Variants in KIAA0586 observed in about 807,000 individuals in gnomAD.
The protein encoded by KIAA0586 is protein TALPID3.
Under a neutral mutation model 169.8 loss-of-function variants are expected in KIAA0586, and 144 were observed. The ratio of observed to expected loss-of-function variants is 0.85; its 90% CI spans 0.74 to 0.97. The LOEUF is 0.97. KIAA0586 is among the 50% of genes least tolerant of loss of function. The pLI, the probability that KIAA0586 is intolerant of heterozygous loss-of-function variation, is 0.00. For missense variants in KIAA0586, 1,854 were observed against 1,823.0 expected, an observed-to-expected ratio of 1.02 and a Z score of -0.31; for synonymous variants, 625 against 612.4, an observed-to-expected ratio of 1.02 and a Z score of -0.30.
chr14:58,448,869 G>A (rs546415830), intron 7 of KIAA0586, among the ~76,000 whole-genome samples: 4 of 152,126 alleles, frequency 2.6e-5, no homozygotes, highest in South Asian at 4.1e-4. Context: ...CAGTTCTCCT[G>A]TTCTCTGACA....
chr14:58,543,530 C>G (rs2046797073), intron 30 of KIAA0586, among the ~76,000 whole-genome samples: 1 of 152,158 alleles, frequency 6.6e-6, no homozygotes, highest in South Asian at 2.1e-4. Context: ...TACTCCTTCC[C>G]ATACAGAAGC....
rs1246480647 is a variant in KIAA0586 at position 58,542,211 on chromosome 14, G to T, written c.4495+2075G>T. 2.0e-5 allele frequency among the ~76,000 whole-genome samples: 3 copies of T among 152,118 alleles called. No homozygotes were observed. The South Asian group carries it at 6.2e-4, about 32-fold the overall frequency. Reference sequence around the variant, plus strand: ...AAAAAGTTTTCAGCCGGGCGCAGTGGCTCACGCCTGTAATCCCAGCACTTT... The same window carrying T: ...AAAAAGTTTTCAGCCGGGCGCAGTGTCTCACGCCTGTAATCCCAGCACTTT... On this transcript the variant is annotated intron_variant, in intron 30 of 30. Transcript: ENST00000652326.
chr14:58,490,121 G>C, intron 24 of KIAA0586, 43 bp from the exon 25 acceptor site: 2 of 932,702 alleles, frequency 2.1e-6, no homozygotes, highest in East Asian at 2.9e-5. Flanking sequence ...TACTAAGTTT[G>C]TGTTTCTTTT....
intron 29 of KIAA0586, among the ~76,000 whole-genome samples, chr14:58,522,559 A>T (rs1225398733): frequency 6.6e-6 from 1 of 152,196 alleles, no homozygotes; most frequent in Non-Finnish European, 1.5e-5. Flanking sequence ...TTTGTTTCTA[A>T]AGTTGATACT....
At position 58,453,422 on chromosome 14, in the gene KIAA0586, C is replaced by T; in HGVS notation, c.1202C>T (p.Thr401Ile). Residue 401 changes from threonine to isoleucine, a missense_variant, in exon 9 of 31, where the codon ACC (threonine) becomes ATC (isoleucine). Transcript: ENST00000652326. ...SLTRKSESSN[T>I]TSLTRSKIGW... ...ACAAGAAAAAGTGAATCATCAAACA[C>T]CACCTCACTAACTAGGTCAAAAATA... The T allele has an allele frequency of 1.3e-6, 2 of 1,516,986 alleles. No homozygotes were observed. Among genetic ancestry groups the T allele is most frequent in the Non-Finnish European group, 8.9e-7 (1 of 1,125,132 alleles). 94.0% of individuals were successfully genotyped at this position (1,516,986 alleles called of 1,614,324 possible). A position where few individuals can be genotyped will look rare whatever the true frequency, so the allele number is the denominator to read the frequency against.
intron 26 of KIAA0586, among the ~76,000 whole-genome samples, chr14:58,496,054 T>C (rs1230489690): frequency 6.6e-6 from 1 of 152,208 alleles, no homozygotes; most frequent in Non-Finnish European, 1.5e-5. Flanking sequence ...GAACTAGTAA[T>C]ATTGATACAT....
intron 9 of KIAA0586, among the ~76,000 whole-genome samples, chr14:58,456,470 C>T (rs2039859985): frequency 6.6e-6 from 1 of 152,180 alleles, no homozygotes. Context: ...TCCTTTTCTG[C>T]TACATCTAAA....
At chr14:58,489,793 C>T (rs1432644174) in intron 24 of KIAA0586, among the ~76,000 whole-genome samples, 1 of 100,816 alleles carries the variant, frequency 9.9e-6, no homozygotes, top group Non-Finnish European at 2.0e-5. Context: ...GCATCACCAA[C>T]ATGCTTTCTA....
intron 1 of KIAA0586, 34 bp from the exon 2 acceptor site, chr14:58,429,329 A>G: frequency 7.6e-7 from 1 of 1,317,030 alleles, no homozygotes; most frequent in South Asian, 1.2e-5. Context: ...ATCTGATTTT[A>G]AAATCACTAA....
chr14:58,536,955 A>G (rs915722947), intron 29 of KIAA0586: 9 of 1,128,322 alleles, frequency 8.0e-6, no homozygotes, highest in African/African-American at 3.2e-5. Flanking sequence ...TAATTCCAAA[A>G]TTTTCCTTCT....
chr14:58,458,612 G>A, intron 12 of KIAA0586, 67 bp downstream of exon 12: 2 of 801,508 alleles, frequency 2.5e-6, no homozygotes, highest in East Asian at 3.0e-5. Flanking sequence ...CCAATTTACA[G>A]GCATTACATT....
intron 21 of KIAA0586, among the ~76,000 whole-genome samples, chr14:58,484,896 A>ATATATTTATATATATATT (rs1555391491): frequency 1.8e-3 from 9 of 5,080 alleles, no homozygotes; most frequent in Non-Finnish European, 2.2e-3. Flanking sequence ...ATATTTATAT[A>ATATATTTATATATATATT]TATATATATA....
chr14:58,459,609 A>G (rs538685986), intron 12 of KIAA0586, among the ~76,000 whole-genome samples: 1 of 152,220 alleles, frequency 6.6e-6, no homozygotes, highest in South Asian at 2.1e-4. Flanking sequence ...CAACCCTTCT[A>G]TTATTTCCCA....
chr14:58,466,068 A>C, intron 15 of KIAA0586, 39 bp downstream of exon 15: 3 of 1,376,342 alleles, frequency 2.2e-6, no homozygotes, highest in Non-Finnish European at 3.0e-6. Context: ...ATTTTATTTT[A>C]TTTATTTATT....
intron 27 of KIAA0586, among the ~76,000 whole-genome samples, chr14:58,507,282 A>ATATATATGTATGATT (rs2044047213): frequency 1.4e-5 from 2 of 146,572 alleles, no homozygotes; most frequent in African/African-American, 5.0e-5. Context: ...TGTATGATTT[A>ATATATATGTATGATT]TATATATATC....
intron 29 of KIAA0586, among the ~76,000 whole-genome samples, chr14:58,536,681 C>T (rs2046310776): frequency 6.6e-6 from 1 of 152,136 alleles, no homozygotes; most frequent in African/African-American, 2.4e-5. Flanking sequence ...AGTGCAATCC[C>T]AGTACTCCCT....
At chr14:58,519,259 TATAGAG>T (rs1168191379) in intron 29 of KIAA0586, among the ~76,000 whole-genome samples, 1 of 152,230 alleles carries the variant, frequency 6.6e-6, no homozygotes, top group Non-Finnish European at 1.5e-5. Flanking sequence ...TTGTTTGTTT[TATAGAG>T]ATAGAGTTTC....
chr14:58,543,926 C>T lies in KIAA0586; in HGVS notation c.4495+3790C>T, dbSNP rs757410007. ...AGAAGGTTTCCTGTATAGGTAAACT[C>T]GGGCTGTGGAGGTTTGTCATACAGA... is the stretch of plus-strand genomic sequence containing the variant. On this transcript the variant is annotated intron_variant, in intron 30 of 30. Coordinates refer to ENST00000652326, the MANE Select transcript of KIAA0586 (RefSeq NM_001329943.3). 48 of 455,740 alleles carry T rather than the reference C, an allele frequency of 1.1e-4. No individual in the cohort carries two copies. Among genetic ancestry groups the T allele is most frequent in the Non-Finnish European group, 1.8e-4 (41 of 226,820 alleles). The allele number at this position is 455,740 out of a possible 1,614,324, so 28.2% of individuals were successfully genotyped here. A position where few individuals can be genotyped will look rare whatever the true frequency, so the allele number is the denominator to read the frequency against.
At chr14:58,448,816 GA>G (rs1343287786) in intron 7 of KIAA0586, among the ~76,000 whole-genome samples, 3 of 151,818 alleles carry the variant, frequency 2.0e-5, no homozygotes, top group African/African-American at 7.3e-5. Context: ...TATAAATTTA[GA>G]AAAAATTTAC....
Sources: gnomAD v4.1 joint callset for allele counts (sites outside exome capture counted in the v4.1 genomes callset) on GRCh38, gnomAD v4.1.1 for gene constraint, MANE v1.5 for transcripts, NCBI Gene and HGNC (gene_info 2026-07-23, HGNC 2026-07-21) for gene names.